Variants in GALNT2 observed in about 807,000 individuals in gnomAD.
The protein encoded by GALNT2 is polypeptide N-acetylgalactosaminyltransferase 2, also known as UDP-GalNAc:polypeptide N-acetylgalactosaminyltransferase 2.
Under a neutral mutation model 81.4 loss-of-function variants are expected in GALNT2, and 31 were observed. That is an observed-to-expected ratio of 0.38 (90% CI 0.29 to 0.51). The LOEUF is 0.51. Among genes scored for constraint, GALNT2 ranks in the 20% least tolerant of loss-of-function variants. The pLI is 0.87. For missense variants in GALNT2, 629 were observed against 765.7 expected, an observed-to-expected ratio of 0.82 and a Z score of 2.11; for synonymous variants, 303 against 287.4, an observed-to-expected ratio of 1.05 and a Z score of -0.55.
At chr1:230,082,499 T>C (rs1397061700) in intron 1 of GALNT2, among the ~76,000 whole-genome samples, 1 of 152,194 alleles carries the variant, frequency 6.6e-6, no homozygotes, top group Non-Finnish European at 1.5e-5. Context: ...CTTGGAGAGA[T>C]CTCCAATGTG....
chr1:230,268,723 C>CT (rs1438129774), intron 14 of GALNT2, among the ~76,000 whole-genome samples: 1 of 152,178 alleles, frequency 6.6e-6, no homozygotes, highest in Non-Finnish European at 1.5e-5. Flanking sequence ...GAACCAAAGA[C>CT]TTTGTCTGTG....
chr1:230,269,346 C>T (rs535589453), intron 14 of GALNT2, among the ~76,000 whole-genome samples: 82 of 152,068 alleles, frequency 5.4e-4, no homozygotes, highest in African/African-American at 1.8e-3. Flanking sequence ...CCACCACACC[C>T]GGCTAATTTT....
intron 2 of GALNT2, among the ~76,000 whole-genome samples, chr1:230,194,766 G>A (rs1448889680): frequency 1.3e-5 from 2 of 152,242 alleles, no homozygotes; most frequent in Non-Finnish European, 2.9e-5. Context: ...GGCTTAGCAG[G>A]ATGTTCATTT....
intron 1 of GALNT2, among the ~76,000 whole-genome samples, chr1:230,129,872 A>C (rs923379006): frequency 6.6e-6 from 1 of 152,186 alleles, no homozygotes; most frequent in Non-Finnish European, 1.5e-5. Flanking sequence ...TTGGATCTGA[A>C]AGGACCACAG....
rs1659219241 is a variant in GALNT2, at chr1:230,067,248, A to T, written c.-33A>T. 15 of 1,251,172 alleles carry T rather than the reference A, an allele frequency of 1.2e-5. No homozygotes were observed. Among genetic ancestry groups the T allele is most frequent in the Non-Finnish European group, 1.2e-5 (12 of 990,102 alleles). The allele number at this position is 1,251,172 out of a possible 1,614,324, so 77.5% of individuals were successfully genotyped here. On this transcript the variant is annotated 5_prime_UTR_variant, in exon 1 of 16. Transcript: ENST00000366672. The stretch of plus-strand genomic sequence containing the variant: ...GCCGGCCCAGGCAGCACTCGCGAGC[A>T]GCGGCGGCCCCGCCGGCGGCCGAGT...
At chr1:230,140,064 G>C (rs911053176) in intron 1 of GALNT2, among the ~76,000 whole-genome samples, 2 of 152,230 alleles carry the variant, frequency 1.3e-5, no homozygotes, top group African/African-American at 4.8e-5. Context: ...GGGTCCCTGC[G>C]TCAGCTGTAC....
chr1:230,235,213 CAAAAA>C (rs10532058), intron 3 of GALNT2, among the ~76,000 whole-genome samples: 14 of 76,736 alleles, frequency 1.8e-4, no homozygotes, highest in Middle Eastern at 6.6e-3. Context: ...GACCCTGTCT[CAAAAA>C]AAAAAAAAAA....
intron 2 of GALNT2, among the ~76,000 whole-genome samples, chr1:230,181,785 T>A (rs1663168096): frequency 6.6e-6 from 1 of 152,226 alleles, no homozygotes; most frequent in Admixed American, 6.5e-5. Context: ...TCTGCTTCTG[T>A]CTTCTGGAAG....
intron 1 of GALNT2, among the ~76,000 whole-genome samples, chr1:230,146,625 G>C (rs1661923664): frequency 6.6e-6 from 1 of 152,176 alleles, no homozygotes; most frequent in Non-Finnish European, 1.5e-5. Flanking sequence ...CTCTCAGGGA[G>C]CTGGGGCATT....
intron 1 of GALNT2, among the ~76,000 whole-genome samples, chr1:230,135,133 C>G (rs950827618): frequency 7.2e-5 from 11 of 152,066 alleles, no homozygotes; most frequent in African/African-American, 2.7e-4. Context: ...GATGCATTCC[C>G]CATTTCAGAG....
intron 1 of GALNT2, chr1:230,091,866 A>G (rs1005052533): frequency 6.6e-6 from 1 of 152,330 alleles, no homozygotes; most frequent in African/African-American, 2.4e-5. Flanking sequence ...CCCTTTGGCT[A>G]CGCTTCTAAG....
In GALNT2 at chr1:230,271,274, T is replaced by C. The variant is rs1572161993; in HGVS notation, c.1441-3171T>C. Among the ~76,000 whole-genome samples the C allele has an allele frequency of 6.6e-6, 1 of 152,066 alleles. No individual in the cohort carries two copies. Among genetic ancestry groups the C allele is most frequent in the Admixed American group, 6.5e-5 (1 of 15,270 alleles). On this transcript the variant is annotated intron_variant, in intron 14 of 15. Transcript: ENST00000366672. This position sits in a 1 kb window ranked among gnomAD's most constrained non-coding sequence, Gnocchi z 4.2. ...CCTATGGGAAACACACACGGCTTCC[T>C]CTCTACACTCCACACCTTCCATACT...
At chr1:230,199,425 C>T (rs781728864) in intron 2 of GALNT2, among the ~76,000 whole-genome samples, 8 of 152,098 alleles carry the variant, frequency 5.3e-5, no homozygotes, top group Non-Finnish European at 1.2e-4. Context: ...TTTAGCTTAG[C>T]GTTTTCCAAA....
At chr1:230,174,322 G>A (rs1250489473) in intron 1 of GALNT2, among the ~76,000 whole-genome samples, 1 of 152,150 alleles carries the variant, frequency 6.6e-6, no homozygotes, top group East Asian at 1.9e-4. Context: ...CCCCTGCACT[G>A]ACACCTCACC....
At chr1:230,156,216 AG>A (rs1165497955) in intron 1 of GALNT2, among the ~76,000 whole-genome samples, 2 of 142,342 alleles carry the variant, frequency 1.4e-5, no homozygotes, top group African/African-American at 2.7e-5. Flanking sequence ...CGAGGGAGAG[AG>A]AGAGAGAGAG....
rs372103126 is a variant in GALNT2, at chr1:230,083,209, CG to C, written c.126+15810del. On this transcript the variant is annotated intron_variant, in intron 1 of 15. Transcript: ENST00000366672. ...GGAGCAGGGAGCCAGGATGATGGAG[CG>C]GGGGGGCCAGGATGATGGAGCGGGG... Among the ~76,000 whole-genome samples the C allele has an allele frequency of 6.7e-5, 8 of 119,138 alleles. No homozygotes were observed. In the East Asian group the frequency reaches 1.1e-3, roughly 16 times the overall value. 78.2% of individuals were successfully genotyped at this position (119,138 alleles called of 152,430 possible). A position where few individuals can be genotyped will look rare whatever the true frequency, so the allele number is the denominator to read the frequency against.
At chr1:230,082,713 A>C (rs959610928) in intron 1 of GALNT2, among the ~76,000 whole-genome samples, 2 of 152,262 alleles carry the variant, frequency 1.3e-5, no homozygotes, top group Non-Finnish European at 2.9e-5. Context: ...ATATGCATGG[A>C]ACATACGCAC....
chr1:230,130,923 T>C (rs1339495943), intron 1 of GALNT2, among the ~76,000 whole-genome samples: 2 of 152,080 alleles, frequency 1.3e-5, no homozygotes, highest in African/African-American at 4.8e-5. Flanking sequence ...CTGCGTCTCA[T>C]GGGAGCAGAA....
chr1:230,191,218 C>G (rs1224857447), intron 2 of GALNT2, among the ~76,000 whole-genome samples: 1 of 152,186 alleles, frequency 6.6e-6, no homozygotes, highest in Admixed American at 6.5e-5. Flanking sequence ...TGGGCTCCCA[C>G]CCCATAGCTG....
Sources: gnomAD v4.1 joint callset for allele counts (sites outside exome capture counted in the v4.1 genomes callset) on GRCh38, gnomAD v4.1.1 for gene constraint, Gnocchi (gnomAD v3.1) non-coding constraint, MANE v1.5 for transcripts, NCBI Gene and HGNC (gene_info 2026-07-23, HGNC 2026-07-21) for gene names.